Variants in DPY19L2 observed in about 807,000 individuals in gnomAD.
The protein encoded by DPY19L2 is probable C-mannosyltransferase DPY19L2.
A neutral mutation model predicts 97.9 loss-of-function variants in DPY19L2; 34 were observed. That is an observed-to-expected ratio of 0.35 (90% CI 0.26 to 0.46). The LOEUF (loss-of-function observed/expected upper bound fraction) is 0.46. Ranked by LOEUF, DPY19L2 falls within the 20% of genes least tolerant of loss-of-function variation. The pLI is 1.00. For synonymous variants in DPY19L2, 230 were observed against 307.9 expected (o/e 0.75, Z 2.65); for missense variants, 623 against 911.4 (o/e 0.68, Z 4.07).
chr12:63,632,912 A>G (rs898121790), intron 6 of DPY19L2, among the ~76,000 whole-genome samples: 13 of 152,128 alleles, frequency 8.5e-5, no homozygotes, highest in Admixed American at 2.0e-4. Flanking sequence ...ATAATGCTGC[A>G]TATCTACAAC....
rs781568871 is a variant in DPY19L2, at chr12:63,668,403, G to C, written c.-10C>G. 8 of 1,594,792 alleles carry C rather than the reference G, an allele frequency of 5.0e-6. No individual in the cohort carries two copies. In the South Asian group the frequency reaches 6.8e-5, roughly 14 times the overall value. On this transcript the variant is annotated 5_prime_UTR_variant, in exon 1 of 22. Coordinates refer to ENST00000324472, the MANE Select transcript of DPY19L2 (RefSeq NM_173812.5). ...CTCCTTGTTTTCTCATAATCAAGGAGTATGGTGGAGCTGGGTCAATTTCAG... is the reference window on the plus strand; with the variant it reads ...CTCCTTGTTTTCTCATAATCAAGGACTATGGTGGAGCTGGGTCAATTTCAG...
At chr12:63,653,727 T>G (rs1592742198) in intron 4 of DPY19L2, among the ~76,000 whole-genome samples, 1 of 151,978 alleles carries the variant, frequency 6.6e-6, no homozygotes, top group African/African-American at 2.4e-5. Flanking sequence ...ACGTTTGAAC[T>G]TTGAACATTA....
chr12:63,635,553 A>C (rs559127336), intron 6 of DPY19L2, among the ~76,000 whole-genome samples: 2 of 152,212 alleles, frequency 1.3e-5, no homozygotes, highest in East Asian at 3.9e-4. Flanking sequence ...AGATCAGATG[A>C]ATGGCTAAGT....
intron 16 of DPY19L2, among the ~76,000 whole-genome samples, chr12:63,586,956 C>G (rs1881894230): frequency 6.6e-6 from 1 of 151,808 alleles, no homozygotes; most frequent in Admixed American, 6.6e-5. Flanking sequence ...GCAGTTATCA[C>G]AGTTAATATG....
At chr12:63,576,632 T>G (rs963711094) in intron 19 of DPY19L2, among the ~76,000 whole-genome samples, 1 of 151,958 alleles carries the variant, frequency 6.6e-6, no homozygotes. Flanking sequence ...TCATTAACGT[T>G]TCTATATGCC....
At chr12:63,639,340 T>G (rs1308866361) in intron 6 of DPY19L2, among the ~76,000 whole-genome samples, 1 of 152,084 alleles carries the variant, frequency 6.6e-6, no homozygotes, top group East Asian at 1.9e-4. Context: ...AAAGCCAAAA[T>G]TGACAAATGG....
At chr12:63,609,757 T>A (rs1383068000) in intron 11 of DPY19L2, among the ~76,000 whole-genome samples, 1 of 152,172 alleles carries the variant, frequency 6.6e-6, no homozygotes, top group Non-Finnish European at 1.5e-5. Context: ...AGGTTATTTG[T>A]TTATTCCCAA....
intron 21 of DPY19L2, among the ~76,000 whole-genome samples, chr12:63,566,739 C>G (rs150846256): frequency 0.013 from 2,048 of 152,042 alleles, 29 homozygotes; most frequent in Non-Finnish European, 0.021. Context: ...ACAAATAAAG[C>G]TGCTATAGAC....
At chr12:63,621,041 G>C (rs570199911) in intron 9 of DPY19L2, among the ~76,000 whole-genome samples, 197 bp downstream of exon 9, 3 of 151,212 alleles carry the variant, frequency 2.0e-5, no homozygotes, top group Non-Finnish European at 2.9e-5. Context: ...ACACACACTG[G>C]GGCCTGTCAA....
intron 16 of DPY19L2, among the ~76,000 whole-genome samples, chr12:63,584,970 A>C (rs1881533400): frequency 6.6e-6 from 1 of 152,168 alleles, no homozygotes; most frequent in African/African-American, 2.4e-5. Context: ...ATGAGTGCTT[A>C]GTTAAGATGG....
chr12:63,628,020 G>C (rs1204915789), intron 6 of DPY19L2, among the ~76,000 whole-genome samples: 2 of 152,196 alleles, frequency 1.3e-5, no homozygotes. Context: ...GAGTAGCAAG[G>C]ACCAATTGTC....
intron 14 of DPY19L2, 75 bp downstream of exon 14, chr12:63,597,734 T>G (rs528301895): frequency 8.7e-5 from 119 of 1,374,226 alleles, no homozygotes; most frequent in Non-Finnish European, 6.5e-5. Context: ...GAGCAAAAAT[T>G]TTGAGTTTCA....
chr12:63,653,130 A>C (rs1293515218), intron 4 of DPY19L2, among the ~76,000 whole-genome samples: 3 of 152,194 alleles, frequency 2.0e-5, no homozygotes, highest in Non-Finnish European at 4.4e-5. Flanking sequence ...GCAAAAGAGA[A>C]AAAACAGATG....
intron 6 of DPY19L2, among the ~76,000 whole-genome samples, chr12:63,637,489 A>T (rs1235873121): frequency 6.6e-6 from 1 of 152,164 alleles, no homozygotes; most frequent in Non-Finnish European, 1.5e-5. Flanking sequence ...AAGAAAAGAG[A>T]GAAGAATCAA....
intron 20 of DPY19L2, among the ~76,000 whole-genome samples, chr12:63,570,357 G>A (rs1878570923): frequency 6.6e-6 from 1 of 152,092 alleles, no homozygotes; most frequent in Admixed American, 6.5e-5. Context: ...GTAAGATCTA[G>A]AAATCATTTC....
intron 16 of DPY19L2, among the ~76,000 whole-genome samples, chr12:63,586,181 C>T (rs1881763594): frequency 6.6e-6 from 1 of 152,090 alleles, no homozygotes; most frequent in Admixed American, 6.5e-5. Context: ...ATGCTCAATG[C>T]TAGAACACAA....
intron 4 of DPY19L2, among the ~76,000 whole-genome samples, chr12:63,653,719 G>A (rs1026617109): frequency 6.6e-5 from 10 of 152,020 alleles, no homozygotes; most frequent in Non-Finnish European, 4.4e-5. Flanking sequence ...TTTAGAAAAC[G>A]TTTGAACTTT....
Position 63,560,386 on chromosome 12 carries a change from T to A in DPY19L2, c.*126A>T, listed in dbSNP as rs1162954136. The A allele has an allele frequency of 8.3e-7, 1 of 1,210,920 alleles. No homozygotes were observed. Among genetic ancestry groups the A allele is most frequent in the African/African-American group, 1.5e-5 (1 of 64,636 alleles). 75.0% of individuals were successfully genotyped at this position (1,210,920 alleles called of 1,614,324 possible). A position where few individuals can be genotyped will look rare whatever the true frequency, so the allele number is the denominator to read the frequency against. ...TTTTAGTAATCAGAAAAATTTCCAATCCATTTTTATCTTATTTTTAAGTGT... is the reference window on the plus strand; with the variant it reads ...TTTTAGTAATCAGAAAAATTTCCAAACCATTTTTATCTTATTTTTAAGTGT... On this transcript the variant is annotated 3_prime_UTR_variant, in exon 22 of 22. Coordinates refer to ENST00000324472, the MANE Select transcript of DPY19L2 (RefSeq NM_173812.5).
chr12:63,667,824 C>G (rs1282738846), intron 1 of DPY19L2, among the ~76,000 whole-genome samples: 1 of 152,082 alleles, frequency 6.6e-6, no homozygotes, highest in African/African-American at 2.4e-5. Context: ...TTTAAAACTC[C>G]TAGACCTTAA....
Sources: gnomAD v4.1 joint callset for allele counts (sites outside exome capture counted in the v4.1 genomes callset) on GRCh38, gnomAD v4.1.1 for gene constraint, MANE v1.5 for transcripts, NCBI Gene and HGNC (gene_info 2026-07-23, HGNC 2026-07-21) for gene names.